The following PPP2R5C variants were observed in gnomAD, a reference collection of about 807,000 sequenced individuals.
PPP2R5C encodes the protein protein phosphatase 2 regulatory subunit B'gamma, also known as serine/threonine-protein phosphatase 2A 56 kDa regulatory subunit gamma isoform.
PPP2R5C carries 7 observed loss-of-function variants against 68.9 expected under a neutral mutation model. That is an observed-to-expected ratio of 0.10 (90% confidence interval 0.06 to 0.19). The LOEUF (loss-of-function observed/expected upper bound fraction) is 0.19. Among genes scored for constraint, PPP2R5C ranks in the 10% least tolerant of loss-of-function variants. The pLI is 1.00. For missense variants in PPP2R5C, 348 were observed against 641.3 expected (o/e 0.54, Z 4.94); for synonymous variants, 210 against 222.2 (o/e 0.95, Z 0.49).
chr14:101,795,811 C>T (rs575000847), intron 3 of PPP2R5C, among the ~76,000 whole-genome samples: 1 of 152,070 alleles, frequency 6.6e-6, no homozygotes, highest in Non-Finnish European at 1.5e-5. Flanking sequence ...AATACTTCAC[C>T]CTCATTCAAA....
intron 1 of PPP2R5C, among the ~76,000 whole-genome samples, chr14:101,846,055 C>T (rs929954583): frequency 6.6e-6 from 1 of 152,202 alleles, no homozygotes; most frequent in Non-Finnish European, 1.5e-5. Context: ...GGGCTGTGCA[C>T]CACCTCTCCG....
At chr14:101,894,746 T>TC (rs2045193057) in intron 8 of PPP2R5C, among the ~76,000 whole-genome samples, 186 bp downstream of exon 10, 1 of 152,236 alleles carries the variant, frequency 6.6e-6, no homozygotes, top group South Asian at 2.1e-4. Flanking sequence ...AATTGCAGAT[T>TC]CCTTTATTAT....
In PPP2R5C at chr14:101,913,847, G is replaced by A. The variant is rs1387791475; in HGVS notation, c.1326+1374G>A. Reference sequence around the variant, plus strand: ...CCCAGTACACATGCAGTTGAAATCAGTAGCCTCGAAAACATGTGAGAAATG... The same window carrying A: ...CCCAGTACACATGCAGTTGAAATCAATAGCCTCGAAAACATGTGAGAAATG... On this transcript the variant is annotated intron_variant, in intron 12 of 13. Coordinates refer to ENST00000334743, the Ensembl canonical transcript of PPP2R5C. This position sits in a 1 kb window ranked among gnomAD's most constrained non-coding sequence, Gnocchi z 4.1. Among the ~76,000 whole-genome samples the A allele has an allele frequency of 1.3e-5, 2 of 152,046 alleles. No individual in the cohort carries two copies. Among genetic ancestry groups the A allele is most frequent in the Non-Finnish European group, 2.9e-5 (2 of 68,024 alleles).
chr14:101,828,171 A>G (rs1035782315), intron 1 of PPP2R5C, among the ~76,000 whole-genome samples: 28 of 152,108 alleles, frequency 1.8e-4, no homozygotes, highest in Admixed American at 1.6e-3. Context: ...TATTCTTTTC[A>G]TGTAAAATGT....
chr14:101,926,481 T>C (rs1381798862), exon 14 of PPP2R5C: 1 of 152,706 alleles, frequency 6.5e-6, no homozygotes, highest in Non-Finnish European at 1.5e-5. Flanking sequence ...TTAGATGGAA[T>C]AGCACAAGGA....
chr14:101,919,451 G>A (rs1167172888), intron 13 of PPP2R5C, among the ~76,000 whole-genome samples: 1 of 152,150 alleles, frequency 6.6e-6, no homozygotes, highest in Non-Finnish European at 1.5e-5. Flanking sequence ...CTTTGTGGGA[G>A]TGTTAATGTT....
At chr14:101,791,780 A>G (rs1156236083) in intron 3 of PPP2R5C, among the ~76,000 whole-genome samples, 1 of 152,150 alleles carries the variant, frequency 6.6e-6, no homozygotes, top group Admixed American at 6.5e-5. Context: ...TTAGTATAGT[A>G]TACTAAATAA....
In PPP2R5C at chr14:101,906,654, T is replaced by C. The variant is rs1276156726; in HGVS notation, c.1151+125T>C. 3 of 1,283,558 alleles carry C rather than the reference T, an allele frequency of 2.3e-6. No individual in the cohort carries two copies. The highest frequency in any genetic ancestry group is 1.5e-5 in the African/African-American group (1 of 65,870). 79.5% of individuals were successfully genotyped at this position (1,283,558 alleles called of 1,614,324 possible). On this transcript the variant is annotated intron_variant, in intron 10 of 13. Coordinates refer to ENST00000334743, the Ensembl canonical transcript of PPP2R5C. This position sits in a 1 kb window ranked among gnomAD's most constrained non-coding sequence, Gnocchi z 4.0. ...TTAAAAAACAAGAAGGTCAGTTGCT[T>C]TGTGGACTCATAAATTAAGTAGCAG...
intron 1 of PPP2R5C, chr14:101,843,551 A>T (rs2041632270): frequency 5.6e-6 from 1 of 177,066 alleles, no homozygotes; most frequent in African/African-American, 2.4e-5. Context: ...CTGCAGAACT[A>T]GGTTCTTCTG....
At chr14:101,902,982 A>G (rs2045786494) in intron 9 of PPP2R5C, among the ~76,000 whole-genome samples, 1 of 150,038 alleles carries the variant, frequency 6.7e-6, no homozygotes, top group Non-Finnish European at 1.5e-5. Flanking sequence ...GAGTTTTCAC[A>G]TTAGGAACTA....
intron 1 of PPP2R5C, among the ~76,000 whole-genome samples, chr14:101,829,809 T>A (rs1180320948): frequency 6.6e-6 from 1 of 152,190 alleles, no homozygotes; most frequent in African/African-American, 2.4e-5. Flanking sequence ...ACGCAGTGCC[T>A]TCAAATTGAG....
At chr14:101,846,909 T>G (rs1272867127) in intron 1 of PPP2R5C, among the ~76,000 whole-genome samples, 1 of 152,250 alleles carries the variant, frequency 6.6e-6, no homozygotes. Flanking sequence ...CACAGAACTT[T>G]TTAGATTTTT....
At chr14:101,834,933 C>G (rs1229637875) in intron 1 of PPP2R5C, among the ~76,000 whole-genome samples, 1 of 152,224 alleles carries the variant, frequency 6.6e-6, no homozygotes, top group Non-Finnish European at 1.5e-5. Flanking sequence ...GTTAGAAGGT[C>G]TGGCCAGACT....
At position 101,883,672 on chromosome 14, in the gene PPP2R5C, G is replaced by A. The variant is rs1420102230; in HGVS notation, c.629+110G>A. 5.1e-6 allele frequency: 7 copies of A among 1,379,010 alleles called. No individual in the cohort carries two copies. The East Asian group carries it at 1.4e-4, about 27-fold the overall frequency. 85.4% of individuals were successfully genotyped at this position (1,379,010 alleles called of 1,614,324 possible). ...TGACAGGACTCAGCATGTGGAGGGG[G>A]TTTCTCAAAGCCTATTTGTCATGTG... On this transcript the variant is annotated intron_variant, in intron 5 of 13. Coordinates refer to ENST00000334743, the Ensembl canonical transcript of PPP2R5C.
chr14:101,877,468 G>A lies in PPP2R5C; in HGVS notation c.295-4693G>A, dbSNP rs531092947. On this transcript the variant is annotated intron_variant, in intron 2 of 13. Transcript: ENST00000334743. The surrounding 1 kb of genome is among the most constrained non-coding windows in gnomAD (Gnocchi z 4.2). ...ACCCTGTGTGCTGCCCAGAAGACCC[G>A]GGACTCCTTAGACCTCAGAGCTTCT... Among the ~76,000 whole-genome samples, 6 of 152,180 alleles carry A rather than the reference G, an allele frequency of 3.9e-5. No individual in the cohort carries two copies. The highest frequency in any genetic ancestry group is 2.6e-4 in the Admixed American group (4 of 15,290).
chr14:101,853,767 C>T (rs1349657400), intron 1 of PPP2R5C, among the ~76,000 whole-genome samples: 3 of 152,050 alleles, frequency 2.0e-5, no homozygotes, highest in Admixed American at 6.6e-5. Flanking sequence ...ATCGGGGTAA[C>T]GGCACTGGCT....
At position 101,882,307 on chromosome 14, in the gene PPP2R5C, G is replaced by A. The variant is rs936481802; in HGVS notation, c.405+36G>A. On this transcript the variant is annotated intron_variant, in intron 3 of 13. Transcript: ENST00000334743. This position sits in a 1 kb window ranked among gnomAD's most constrained non-coding sequence, Gnocchi z 4.9. ...CTGGGTGATAGACTCGGAGGGCACT[G>A]GTGACACATGGGAATGGCCTGGGAT... 6.6e-7 allele frequency: 1 copy of A among 1,506,534 alleles called. No individual in the cohort carries two copies. Among genetic ancestry groups the A allele is most frequent in the Non-Finnish European group, 9.1e-7 (1 of 1,097,184 alleles). The allele number at this position is 1,506,534 out of a possible 1,614,324, so 93.3% of individuals were successfully genotyped here. A position where few individuals can be genotyped will look rare whatever the true frequency, so the allele number is the denominator to read the frequency against.
At chr14:101,851,372 A>G (rs1049749579) in intron 1 of PPP2R5C, among the ~76,000 whole-genome samples, 7 of 152,224 alleles carry the variant, frequency 4.6e-5, no homozygotes. Flanking sequence ...TCAAGGTTGC[A>G]GTGAGCCAGG....
intron 3 of PPP2R5C, among the ~76,000 whole-genome samples, chr14:101,799,718 C>T (rs1167365332): frequency 6.6e-6 from 1 of 152,184 alleles, no homozygotes; most frequent in Admixed American, 6.5e-5. Flanking sequence ...AAGGTCCAGG[C>T]GGTTCAAAAT....
Sources: allele counts gnomAD v4.1 joint callset (sites outside exome capture counted in the v4.1 genomes callset), GRCh38; gene constraint gnomAD v4.1.1; non-coding constraint Gnocchi (gnomAD v3.1); transcripts MANE v1.5; gene names NCBI Gene and HGNC (gene_info 2026-07-23, HGNC 2026-07-21).